SEL1L2: variants seen among roughly 807,000 people sequenced by gnomAD.
The protein encoded by SEL1L2 is protein sel-1 homolog 2.
SEL1L2 carries 89 observed loss-of-function variants against 98.8 expected under a neutral mutation model. The ratio of observed to expected loss-of-function variants is 0.90; its 90% CI spans 0.76 to 1.07. SEL1L2 has a LOEUF of 1.07. SEL1L2 is among the 50% of genes least tolerant of loss of function. The pLI is 0.00. For missense variants in SEL1L2, 788 were observed against 812.0 expected (o/e 0.97, Z 0.36); for synonymous variants, 262 against 278.5 (o/e 0.94, Z 0.59).
At chr20:13,891,187 G>A (rs960830581) in intron 5 of SEL1L2, among the ~76,000 whole-genome samples, 9 of 151,730 alleles carry the variant, frequency 5.9e-5, no homozygotes, top group South Asian at 2.1e-4. Flanking sequence ...AGATGAACCC[G>A]AAGAGCCCCA....
chr20:13,884,061 G>T (rs2046833438), intron 10 of SEL1L2, among the ~76,000 whole-genome samples: 1 of 152,122 alleles, frequency 6.6e-6, no homozygotes, highest in African/African-American at 2.4e-5. Context: ...CACAGTTTAT[G>T]AAATGACTTC....
chr20:13,926,177 G>A (rs1446117892), intron 3 of SEL1L2, among the ~76,000 whole-genome samples: 1 of 152,138 alleles, frequency 6.6e-6, no homozygotes, highest in Non-Finnish European at 1.5e-5. Context: ...TTAGCCAGGC[G>A]TGGTGCAGGC....
At chr20:13,866,352 A>G (rs1991031861) in intron 15 of SEL1L2, among the ~76,000 whole-genome samples, 1 of 152,204 alleles carries the variant, frequency 6.6e-6, no homozygotes. Flanking sequence ...GGCTAAATCT[A>G]GCCTTTTGGT....
chr20:13,974,147 G>T (rs1235359074), intron 1 of SEL1L2, among the ~76,000 whole-genome samples: 2 of 152,148 alleles, frequency 1.3e-5, no homozygotes, highest in Admixed American at 1.3e-4. Context: ...TGATGTTCAG[G>T]TGCAGGGCTG....
At chr20:13,880,279 A>G (rs2046633691) in intron 10 of SEL1L2, among the ~76,000 whole-genome samples, 1 of 152,240 alleles carries the variant, frequency 6.6e-6, no homozygotes, top group South Asian at 2.1e-4. Context: ...CTGGGAAATC[A>G]GTGAAATTTT....
At chr20:13,867,199 T>G (rs73900743) in intron 14 of SEL1L2, among the ~76,000 whole-genome samples, 21 of 152,348 alleles carry the variant, frequency 1.4e-4, no homozygotes, top group African/African-American at 5.0e-4. Flanking sequence ...ATGATTTATC[T>G]CGCCATCTTT....
chr20:13,929,486 C>T (rs1444398021), intron 3 of SEL1L2, among the ~76,000 whole-genome samples: 1 of 57,452 alleles, frequency 1.7e-5, no homozygotes, highest in Non-Finnish European at 3.4e-5. Context: ...ATTGCCTTTG[C>T]CTTTTTTTTT....
chr20:13,909,241 C>T (rs2048113294), intron 5 of SEL1L2, among the ~76,000 whole-genome samples: 1 of 152,182 alleles, frequency 6.6e-6, no homozygotes. Flanking sequence ...ACAAACGGCC[C>T]AAGAAGAAAG....
At chr20:13,901,987 T>C (rs920765346) in intron 5 of SEL1L2, among the ~76,000 whole-genome samples, 2 of 152,126 alleles carry the variant, frequency 1.3e-5, no homozygotes, top group Non-Finnish European at 2.9e-5. Flanking sequence ...TAATTACATA[T>C]AGATTAAGGG....
At chr20:13,851,135 G>A (rs1221763273) in intron 18 of SEL1L2, among the ~76,000 whole-genome samples, 3 of 152,066 alleles carry the variant, frequency 2.0e-5, no homozygotes, top group South Asian at 2.1e-4. Context: ...TATTTGGCAC[G>A]AGAATTGCTT....
At chr20:13,889,592 C>A (rs1447613201) in intron 5 of SEL1L2, among the ~76,000 whole-genome samples, 1 of 152,028 alleles carries the variant, frequency 6.6e-6, no homozygotes, top group East Asian at 1.9e-4. Flanking sequence ...GAGATCGAGA[C>A]CATCCTGGCT....
intron 1 of SEL1L2, among the ~76,000 whole-genome samples, chr20:13,964,514 G>T (rs1406587028): frequency 2.8e-5 from 4 of 141,274 alleles, no homozygotes; most frequent in Non-Finnish European, 6.0e-5. Context: ...GTGCAATGGC[G>T]CAATCTCAGC....
intron 2 of SEL1L2, among the ~76,000 whole-genome samples, chr20:13,935,434 G>A (rs760229461): frequency 1.3e-5 from 2 of 152,170 alleles, no homozygotes; most frequent in Non-Finnish European, 2.9e-5. Context: ...AGTGATAAAA[G>A]TTAGTGTTAT....
intron 5 of SEL1L2, among the ~76,000 whole-genome samples, chr20:13,897,837 C>T (rs553204228): frequency 3.3e-5 from 5 of 151,880 alleles, no homozygotes; most frequent in Non-Finnish European, 5.9e-5. Flanking sequence ...TGCACTCCAG[C>T]CTGGGCAACA....
intron 12 of SEL1L2, among the ~76,000 whole-genome samples, chr20:13,873,828 C>G (rs1331302053): frequency 6.6e-6 from 1 of 152,140 alleles, no homozygotes; most frequent in Non-Finnish European, 1.5e-5. Flanking sequence ...AATCCCCTGC[C>G]CTGGACCCCT....
intron 2 of SEL1L2, among the ~76,000 whole-genome samples, chr20:13,946,275 A>G (rs1410092802): frequency 1.3e-5 from 2 of 152,208 alleles, no homozygotes; most frequent in Non-Finnish European, 2.9e-5. Context: ...TGCTACATAT[A>G]AACAAAGTTT....
intron 4 of SEL1L2, among the ~76,000 whole-genome samples, chr20:13,916,571 T>C (rs527928553): frequency 6.6e-6 from 1 of 152,280 alleles, no homozygotes; most frequent in East Asian, 1.9e-4. Flanking sequence ...TTTGAGAGGC[T>C]GAGGCGGGCA....
chr20:13,961,468 C>T (rs2050767794), intron 1 of SEL1L2, among the ~76,000 whole-genome samples: 1 of 152,116 alleles, frequency 6.6e-6, no homozygotes, highest in Non-Finnish European at 1.5e-5. Context: ...AAGAATTGTC[C>T]ATGTGGTTTT....
chr20:13,977,045 G>A (rs1009195033), intron 1 of SEL1L2, among the ~76,000 whole-genome samples: 2 of 152,178 alleles, frequency 1.3e-5, no homozygotes, highest in Non-Finnish European at 2.9e-5. Context: ...GGTGAGCAGG[G>A]AAGGATAGTT....
Sources: gnomAD v4.1 joint callset for allele counts (sites outside exome capture counted in the v4.1 genomes callset) on GRCh38, gnomAD v4.1.1 for gene constraint, MANE v1.5 for transcripts, NCBI Gene and HGNC (gene_info 2026-07-23, HGNC 2026-07-21) for gene names.